Variants in RUNX1 observed in about 807,000 individuals in gnomAD.
RUNX1 encodes RUNX family transcription factor 1.
A neutral mutation model predicts 42.8 loss-of-function variants in RUNX1; 19 were observed. The ratio of observed to expected loss-of-function variants is 0.44; its 90% CI spans 0.31 to 0.65. The LOEUF (loss-of-function observed/expected upper bound fraction) is 0.65, where lower values mean the gene tolerates loss of function less well. Among genes scored for constraint, RUNX1 ranks in the 30% least tolerant of loss-of-function variants. The probability of loss-of-function intolerance (pLI) is 0.07; values close to 1 mark genes in which losing one functional copy is unlikely to be tolerated. For synonymous variants in RUNX1, 271 were observed against 289.4 expected, an observed-to-expected ratio of 0.94 and a Z score of 0.64; for missense variants, 528 against 672.0, an observed-to-expected ratio of 0.79 and a Z score of 2.37.
chr21:34,890,409 A>G (rs1017778890), intron 3 of RUNX1, among the ~76,000 whole-genome samples: 2 of 152,116 alleles, frequency 1.3e-5, no homozygotes, highest in African/African-American at 2.4e-5. Context: ...AGGTTCCAAT[A>G]TAGAGTCGCA....
chr21:34,804,154 G>A (rs140127191), intron 7 of RUNX1, among the ~76,000 whole-genome samples: 3 of 152,322 alleles, frequency 2.0e-5, no homozygotes, highest in East Asian at 1.9e-4. Context: ...ATAAACTGAT[G>A]AGAACACTTA....
chr21:35,039,772 A>G (rs1167721338), intron 2 of RUNX1, among the ~76,000 whole-genome samples: 3 of 152,194 alleles, frequency 2.0e-5, no homozygotes, highest in African/African-American at 7.2e-5. Context: ...CTACTTCTTT[A>G]TATGACCCTG....
intron 2 of RUNX1, among the ~76,000 whole-genome samples, chr21:34,935,582 CT>C (rs11352706): frequency 0.025 from 3,716 of 146,892 alleles, 136 homozygotes; most frequent in African/African-American, 0.078. Flanking sequence ...AGTTGAGACA[CT>C]TTTTTTTTTT....
chr21:34,894,880 AACACACACACAC>A (rs57230115), intron 2 of RUNX1, among the ~76,000 whole-genome samples: 1,658 of 127,950 alleles, frequency 0.013, 32 homozygotes, highest in African/African-American at 0.045. Context: ...CCTACATAGA[AACACACACACAC>A]ACACACACAC....
intron 5 of RUNX1, among the ~76,000 whole-genome samples, chr21:34,870,918 A>T (rs2057727390): frequency 6.6e-6 from 1 of 152,156 alleles, no homozygotes. Flanking sequence ...AGATCACGAC[A>T]CTGCATTCCA....
chr21:34,803,650 C>A (rs1482484366), intron 7 of RUNX1, among the ~76,000 whole-genome samples: 1 of 152,132 alleles, frequency 6.6e-6, no homozygotes, highest in Admixed American at 6.6e-5. Context: ...CTGATGCAGC[C>A]ACTTTACTGA....
intron 2 of RUNX1, among the ~76,000 whole-genome samples, chr21:35,016,678 G>A (rs2059161357): frequency 6.6e-6 from 1 of 152,102 alleles, no homozygotes; most frequent in Admixed American, 6.5e-5. Flanking sequence ...GTAGTCATTT[G>A]ATACCCCATT....
At position 34,822,987 on chromosome 21, in the gene RUNX1, A is replaced by G. The variant is rs1437091915; in HGVS notation, c.805+11423T>C. On this transcript the variant is annotated intron_variant, in intron 7 of 8. Coordinates refer to ENST00000675419, the MANE Select transcript of RUNX1 (RefSeq NM_001754.5). ...GCAACTGGACATATGTAGTCCTTCC[A>G]GTGATATAAAGAGGAACTGGCACAG... is the stretch of plus-strand genomic sequence containing the variant. Among the ~76,000 whole-genome samples, 6 of 152,216 alleles carry G rather than the reference A, an allele frequency of 3.9e-5. No individual in the cohort carries two copies. The East Asian group carries it at 5.8e-4, about 15-fold the overall frequency.
intron 2 of RUNX1, among the ~76,000 whole-genome samples, chr21:34,921,336 C>T (rs2058352584): frequency 6.6e-6 from 1 of 152,190 alleles, no homozygotes; most frequent in Admixed American, 6.5e-5. Flanking sequence ...CATCATTCTT[C>T]TTTCTGTCTC....
At chr21:34,925,967 T>C (rs1601577711) in intron 2 of RUNX1, among the ~76,000 whole-genome samples, 1 of 152,220 alleles carries the variant, frequency 6.6e-6, no homozygotes, top group East Asian at 1.9e-4. Context: ...GGAAAAGCTG[T>C]GCTTCTCTGT....
intron 7 of RUNX1, among the ~76,000 whole-genome samples, chr21:34,831,425 G>A (rs1227778503): frequency 6.6e-6 from 1 of 152,156 alleles, no homozygotes; most frequent in East Asian, 1.9e-4. Context: ...TGTGATTCTA[G>A]GTAAGTATTG....
chr21:34,886,863 T>C lies in RUNX1; in HGVS notation c.331A>G (p.Thr111Ala), dbSNP rs1555899722. ...VLPTHWRCNKTLPIAFKVVAL... is the reference protein window; with the variant it reads ...VLPTHWRCNKALPIAFKVVAL... Reference sequence around the variant, plus strand: ...AGTACCTTGAAAGCGATGGGCAGGGTCTTGTTGCAGCGCCAGTGCGTAGGC... The same window carrying C: ...AGTACCTTGAAAGCGATGGGCAGGGCCTTGTTGCAGCGCCAGTGCGTAGGC... The change falls in exon 4 of 9, where the codon ACC becomes GCC. Residue 111 changes from threonine to alanine, a missense_variant. Physicochemically the swap from Thr to Ala is moderately conservative, Grantham distance 58. Coordinates refer to ENST00000675419, the MANE Select transcript of RUNX1 (RefSeq NM_001754.5). 6.2e-7 allele frequency: 1 copy of C among 1,613,392 alleles called. No individual in the cohort carries two copies. The highest frequency in any genetic ancestry group is 8.5e-7 in the Non-Finnish European group (1 of 1,179,748).
At chr21:35,004,324 A>G (rs75865116) in intron 2 of RUNX1, among the ~76,000 whole-genome samples, 6,325 of 152,338 alleles carry the variant, frequency 0.042, 169 homozygotes, top group African/African-American at 0.064. Context: ...CTAGAAAACA[A>G]GAGGCCCAGA....
At chr21:34,891,624 G>A (rs1420017157) in intron 3 of RUNX1, among the ~76,000 whole-genome samples, 1 of 151,672 alleles carries the variant, frequency 6.6e-6, no homozygotes, top group Non-Finnish European at 1.5e-5. Flanking sequence ...GCCTAAGGGA[G>A]AAAGGAAAGG....
At chr21:35,002,393 TATTTATTTATTTA>T (rs1244349423) in intron 2 of RUNX1, among the ~76,000 whole-genome samples, 3 of 140,664 alleles carry the variant, frequency 2.1e-5, no homozygotes, top group African/African-American at 8.6e-5. Context: ...TTTATTTATT[TATTTATTTATTTA>T]TTTATTTATT....
Position 34,790,840 on chromosome 21 carries a change from C to G in RUNX1, c.*1295G>C, listed in dbSNP as rs866560376. The G allele has an allele frequency of 7.3e-5, 17 of 233,126 alleles. No homozygotes were observed. The highest frequency in any genetic ancestry group is 1.4e-4 in the Non-Finnish European group (16 of 118,058). The allele number at this position is 233,126 out of a possible 1,614,324, so 14.4% of individuals were successfully genotyped here. The stretch of plus-strand genomic sequence containing the variant: ...AACCCCTAAATTCATTGATTTGGTT[C>G]CTATGTAAATGTGGCTCCCCTACAC... On this transcript the variant is annotated 3_prime_UTR_variant, in exon 9 of 9. Transcript: ENST00000675419.
intron 6 of RUNX1, chr21:34,856,221 C>CGGAATGGCAGGT (rs1373091975): frequency 2.4e-6 from 1 of 417,196 alleles, no homozygotes; most frequent in East Asian, 7.1e-5. Flanking sequence ...ACTTAGTCAG[C>CGGAATGGCAGGT]GGAATGGCAG....
At chr21:35,045,799 T>C (rs2059391987) in intron 2 of RUNX1, among the ~76,000 whole-genome samples, 1 of 152,190 alleles carries the variant, frequency 6.6e-6, no homozygotes, top group African/African-American at 2.4e-5. Flanking sequence ...ACTTTATACA[T>C]GCAGCTTTGT....
chr21:35,040,185 A>G (rs2059347115), intron 2 of RUNX1, among the ~76,000 whole-genome samples: 2 of 152,234 alleles, frequency 1.3e-5, no homozygotes, highest in Admixed American at 6.5e-5. Flanking sequence ...GCCCAGATGC[A>G]GCCTGCAGAT....
Sources: gnomAD v4.1 joint callset for allele counts (sites outside exome capture counted in the v4.1 genomes callset) on GRCh38, gnomAD v4.1.1 for gene constraint, MANE v1.5 for transcripts, NCBI Gene and HGNC (gene_info 2026-07-23, HGNC 2026-07-21) for gene names.